Variants in GABRB1 observed in about 807,000 individuals in gnomAD.
The protein encoded by GABRB1 is gamma-aminobutyric acid receptor subunit beta-1.
Under a neutral mutation model 51.6 loss-of-function variants are expected in GABRB1, and 17 were observed. The observed-to-expected ratio is 0.33, with a 90% CI of 0.23 to 0.49. The LOEUF (loss-of-function observed/expected upper bound fraction) is 0.49, where lower values mean the gene tolerates loss of function less well. GABRB1 is among the 20% of genes least tolerant of loss of function. GABRB1 has a pLI of 0.99. For missense variants in GABRB1, 410 were observed against 600.6 expected (o/e 0.68, Z 3.32); for synonymous variants, 247 against 218.9 (o/e 1.13, Z -1.14).
At chr4:47,138,316 G>T (rs1278385809) in intron 3 of GABRB1, among the ~76,000 whole-genome samples, 1 of 152,024 alleles carries the variant, frequency 6.6e-6, no homozygotes, top group Non-Finnish European at 1.5e-5. Flanking sequence ...ATAAGATATT[G>T]AGCCAATTCA....
chr4:47,073,964 T>C (rs145037760), intron 3 of GABRB1, among the ~76,000 whole-genome samples: 2 of 152,304 alleles, frequency 1.3e-5, no homozygotes, highest in East Asian at 3.9e-4. Flanking sequence ...CTAATAGGCA[T>C]CTCTGACACC....
chr4:47,138,469 G>T (rs930594037), intron 3 of GABRB1, among the ~76,000 whole-genome samples: 1 of 151,942 alleles, frequency 6.6e-6, no homozygotes, highest in Non-Finnish European at 1.5e-5. Context: ...ACGAAGGCTG[G>T]GCATGTCCTG....
At chr4:47,165,103 C>T (rs1037623512) in intron 4 of GABRB1, among the ~76,000 whole-genome samples, 2 of 152,208 alleles carry the variant, frequency 1.3e-5, no homozygotes, top group Admixed American at 6.6e-5. Flanking sequence ...TTTCAGAACA[C>T]ATGATGTCAT....
At chr4:47,374,337 C>A (rs144100572) in intron 5 of GABRB1, among the ~76,000 whole-genome samples, 1 of 151,916 alleles carries the variant, frequency 6.6e-6, no homozygotes, top group Non-Finnish European at 1.5e-5. Flanking sequence ...TGCAGTGAGT[C>A]GTGATCGTAA....
chr4:47,175,101 C>T (rs1176389274), intron 4 of GABRB1, among the ~76,000 whole-genome samples: 1 of 147,686 alleles, frequency 6.8e-6, no homozygotes, highest in African/African-American at 2.5e-5. Flanking sequence ...TGTTTCCTTC[C>T]TTCCTTCCTC....
intron 5 of GABRB1, among the ~76,000 whole-genome samples, chr4:47,375,323 A>T (rs938944537): frequency 3.9e-5 from 6 of 152,394 alleles, no homozygotes; most frequent in African/African-American, 7.2e-5. Context: ...CCAGTTACGA[A>T]GTTGTGGAAG....
At chr4:47,284,066 C>G (rs765350908) in intron 4 of GABRB1, among the ~76,000 whole-genome samples, 23 of 146,992 alleles carry the variant, frequency 1.6e-4, no homozygotes, top group Non-Finnish European at 3.1e-4. Flanking sequence ...CCACTGCACT[C>G]CAGCCTGAGC....
At chr4:47,343,145 T>TAA (rs576268614) in intron 5 of GABRB1, among the ~76,000 whole-genome samples, 6 of 142,364 alleles carry the variant, frequency 4.2e-5, no homozygotes, top group Admixed American at 1.4e-4. Flanking sequence ...TCACTCAACT[T>TAA]AAAAAAAAAA....
At chr4:47,079,741 C>T (rs569628125) in intron 3 of GABRB1, among the ~76,000 whole-genome samples, 53 of 150,700 alleles carry the variant, frequency 3.5e-4, no homozygotes, top group Non-Finnish European at 6.9e-4. Flanking sequence ...AGCAAACTAT[C>T]GCAAGGACAA....
chr4:47,238,570 C>T (rs909485888), intron 4 of GABRB1, among the ~76,000 whole-genome samples: 19 of 152,066 alleles, frequency 1.2e-4, no homozygotes, highest in African/African-American at 3.6e-4. Flanking sequence ...CAAACATGCT[C>T]GGAAAATCCA....
At chr4:47,123,801 A>G (rs1715964201) in intron 3 of GABRB1, among the ~76,000 whole-genome samples, 1 of 90,534 alleles carries the variant, frequency 1.1e-5, no homozygotes, top group East Asian at 2.9e-4. Flanking sequence ...AATATATTAT[A>G]TATCATATAT....
chr4:47,115,798 A>T (rs1201366056), intron 3 of GABRB1, among the ~76,000 whole-genome samples: 1 of 152,180 alleles, frequency 6.6e-6, no homozygotes, highest in South Asian at 2.1e-4. Flanking sequence ...AATTTCTGTG[A>T]TTATTTAAAA....
intron 3 of GABRB1, among the ~76,000 whole-genome samples, chr4:47,115,334 C>T (rs1336672881): frequency 6.6e-6 from 1 of 152,024 alleles, no homozygotes; most frequent in Non-Finnish European, 1.5e-5. Flanking sequence ...AATTTGGTTA[C>T]TAACTTTGAT....
At chr4:47,419,975 A>T (rs2110066367) in intron 8 of GABRB1, among the ~76,000 whole-genome samples, 1 of 152,298 alleles carries the variant, frequency 6.6e-6, no homozygotes, top group East Asian at 1.9e-4. Context: ...TAATAATTAC[A>T]TTCATTTTCT....
chr4:47,404,557 A>C (rs1480841838), intron 7 of GABRB1, among the ~76,000 whole-genome samples: 1 of 151,042 alleles, frequency 6.6e-6, no homozygotes, highest in East Asian at 1.9e-4. Context: ...AACATATTTC[A>C]TCTCTTCACT....
intron 5 of GABRB1, among the ~76,000 whole-genome samples, chr4:47,377,928 G>C (rs1318122694): frequency 3.3e-5 from 5 of 152,242 alleles, no homozygotes; most frequent in African/African-American, 1.2e-4. Flanking sequence ...CCCTGAGCTA[G>C]ACATAAAGGT....
At chr4:47,143,178 G>T (rs1378005358) in intron 3 of GABRB1, among the ~76,000 whole-genome samples, 1 of 151,836 alleles carries the variant, frequency 6.6e-6, no homozygotes, top group African/African-American at 2.4e-5. Flanking sequence ...AAGCTAAAAT[G>T]CTTCCTCCAC....
intron 4 of GABRB1, among the ~76,000 whole-genome samples, chr4:47,183,690 A>G (rs1479156342): frequency 6.6e-6 from 1 of 151,776 alleles, no homozygotes; most frequent in Middle Eastern, 3.2e-3. Flanking sequence ...ATCTGTCAAT[A>G]TCACCTCTCA....
chr4:47,254,361 GTTTT>G lies in GABRB1; in HGVS notation c.462-65738_462-65735del, dbSNP rs56838956. ...ATGGTGGATGATGTTTCTTTTCTTTGTTTTTTTTTTTTTTTTTTTTTTTTTTTTT... is the reference window on the plus strand; with the variant it reads ...ATGGTGGATGATGTTTCTTTTCTTTGTTTTTTTTTTTTTTTTTTTTTTTTT... On this transcript the variant is annotated intron_variant, in intron 4 of 8. Coordinates refer to ENST00000295454, the MANE Select transcript of GABRB1 (RefSeq NM_000812.4). Among the ~76,000 whole-genome samples, 40 of 80,954 alleles carry G rather than the reference GTTTT, an allele frequency of 4.9e-4. 2 individuals are homozygous for G. The highest frequency in any genetic ancestry group is 1.7e-3 in the South Asian group (4 of 2,354). The allele number at this position is 80,954 out of a possible 152,430, so 53.1% of individuals were successfully genotyped here.
Sources: allele counts gnomAD v4.1 joint callset (sites outside exome capture counted in the v4.1 genomes callset), GRCh38; gene constraint gnomAD v4.1.1; transcripts MANE v1.5; gene names NCBI Gene and HGNC (gene_info 2026-07-23, HGNC 2026-07-21).